Variants in TOP1 observed in about 807,000 individuals in gnomAD.
TOP1 encodes DNA topoisomerase 1.
TOP1 carries 10 observed loss-of-function variants against 111.1 expected under a neutral mutation model. That is an observed-to-expected ratio of 0.09 (90% CI 0.06 to 0.15). The LOEUF (loss-of-function observed/expected upper bound fraction) is 0.15, where lower values mean the gene tolerates loss of function less well. TOP1 is among the 10% of genes least tolerant of loss of function. The pLI is 1.00. For missense variants in TOP1, 474 were observed against 926.7 expected, an observed-to-expected ratio of 0.51 and a Z score of 6.34; for synonymous variants, 271 against 302.9, an observed-to-expected ratio of 0.89 and a Z score of 1.10.
rs565000039 is a variant in TOP1, at chr20:41,118,087, G to A, written c.1823-82G>A. On this transcript the variant is annotated intron_variant, in intron 17 of 20. Transcript: ENST00000361337. This position sits in a 1 kb window ranked among gnomAD's most constrained non-coding sequence, Gnocchi z 4.6. The stretch of plus-strand genomic sequence containing the variant: ...TAAGAGCCAGCAAAATCATGGGGAC[G>A]AGGCACTGGGGGAAGACATACTGTG... 30 of 1,460,302 alleles carry A rather than the reference G, an allele frequency of 2.1e-5. No individual in the cohort carries two copies. The highest frequency in any genetic ancestry group is 2.7e-5 in the Non-Finnish European group (29 of 1,079,034). 90.5% of individuals were successfully genotyped at this position (1,460,302 alleles called of 1,614,324 possible). A position where few individuals can be genotyped will look rare whatever the true frequency, so the allele number is the denominator to read the frequency against.
At chr20:41,037,785 T>A (rs1183495143) in intron 2 of TOP1, among the ~76,000 whole-genome samples, 3 of 152,238 alleles carry the variant, frequency 2.0e-5, no homozygotes, top group Non-Finnish European at 2.9e-5. Flanking sequence ...TCACTAGTGT[T>A]CATTAGGTTT....
chr20:41,122,296 A>G lies in TOP1; in HGVS notation c.2195+141A>G. On this transcript the variant is annotated intron_variant, in intron 20 of 20. Coordinates refer to ENST00000361337, the MANE Select transcript of TOP1 (RefSeq NM_003286.4). The surrounding 1 kb of genome is among the most constrained non-coding windows in gnomAD (Gnocchi z 5.4). ...GGGAAACTTCTGGCTTCAGCTGTGT[A>G]CAAGTTACTCTGGTTGCTGAACCTT... The G allele has an allele frequency of 1.2e-6, 1 of 855,576 alleles. No homozygotes were observed. The highest frequency in any genetic ancestry group is 1.9e-6 in the Non-Finnish European group (1 of 540,426). The allele number at this position is 855,576 out of a possible 1,614,324, so 53.0% of individuals were successfully genotyped here.
chr20:41,116,236 T>TAG lies in TOP1; in HGVS notation c.1708-41_1708-40dup. On this transcript the variant is annotated intron_variant, in intron 16 of 20. Coordinates refer to ENST00000361337, the MANE Select transcript of TOP1 (RefSeq NM_003286.4). This position sits in a 1 kb window ranked among gnomAD's most constrained non-coding sequence, Gnocchi z 5.6. ...TCCTAGGGCTGCCAGAAGGAGCAGG[T>TAG]AGTATAGCTTTGACCTAAATCTGTT... 2 of 1,327,506 alleles carry TAG rather than the reference T, an allele frequency of 1.5e-6. No individual in the cohort carries two copies. The highest frequency in any genetic ancestry group is 2.2e-6 in the Non-Finnish European group (2 of 921,844). The allele number at this position is 1,327,506 out of a possible 1,614,324, so 82.2% of individuals were successfully genotyped here. A position where few individuals can be genotyped will look rare whatever the true frequency, so the allele number is the denominator to read the frequency against.
chr20:41,122,011 T>C lies in TOP1; in HGVS notation c.2051T>C (p.Val684Ala), dbSNP rs748089383. 2.1e-5 allele frequency: 34 copies of C among 1,613,680 alleles called. No individual in the cohort carries two copies. Among genetic ancestry groups the C allele is most frequent in the Non-Finnish European group, 2.7e-5 (32 of 1,180,004 alleles). The change falls in exon 20 of 21, where the codon GTA (valine) becomes GCA (alanine). Residue 684 changes from valine (V) to alanine (A), a missense_variant. By Grantham distance (64) the Val-to-Ala change is moderately conservative (BLOSUM62 0). This residue lies in a region of TOP1 where 36 missense variants were observed against 42.3 expected (regional missense o/e 0.85). Transcript: ENST00000361337. The surrounding 1 kb of genome is among the most constrained non-coding windows in gnomAD (Gnocchi z 5.4). ...VMKDAKTKKV[V>A]ESKKKAVQRL... ...GGACTTTGCTATTCTTCTAGGGTAG[T>C]AGAGTCAAAGAAGAAGGCTGTTCAG...
intron 3 of TOP1, chr20:41,073,176 T>C: frequency 1.0e-6 from 1 of 985,394 alleles, no homozygotes; most frequent in Non-Finnish European, 1.2e-6. Context: ...CAGGGCTACA[T>C]GTACACTTGT....
chr20:41,094,641 T>C lies in TOP1; in HGVS notation c.730+2054T>C, dbSNP rs1480439457. Among the ~76,000 whole-genome samples the C allele has an allele frequency of 6.6e-6, 1 of 152,194 alleles. No individual in the cohort carries two copies. ...GTCCTCTGCTGGGATTTCTTCTCTT[T>C]GATTGTGTGAACTCTTACTCTGCAG... On this transcript the variant is annotated intron_variant, in intron 9 of 20. Transcript: ENST00000361337. The surrounding 1 kb of genome is among the most constrained non-coding windows in gnomAD (Gnocchi z 4.4).
Position 41,061,597 on chromosome 20 carries a change from T to C in TOP1, c.155+107T>C. The stretch of plus-strand genomic sequence containing the variant: ...TGAGCTACATGTAAAGATAGCAAAG[T>C]AAGTAGAAACTGTATTTGATCCTAG... On this transcript the variant is annotated intron_variant, in intron 3 of 20. Transcript: ENST00000361337. This position sits in a 1 kb window ranked among gnomAD's most constrained non-coding sequence, Gnocchi z 4.6. 1 of 956,934 alleles carries C rather than the reference T, an allele frequency of 1.0e-6. No homozygotes were observed. 59.3% of individuals were successfully genotyped at this position (956,934 alleles called of 1,614,324 possible).
In TOP1 at chr20:41,118,337, C is replaced by T; in HGVS notation, c.1950+41C>T. On this transcript the variant is annotated intron_variant, in intron 18 of 20. Transcript: ENST00000361337. The surrounding 1 kb of genome is among the most constrained non-coding windows in gnomAD (Gnocchi z 4.6). ...TGAAGGGAACTGTGTCTGCTGTGGG[C>T]AGATTATCTGCGAATGAGAGGATTC... The T allele has an allele frequency of 1.2e-6, 2 of 1,607,020 alleles. No individual in the cohort carries two copies. The highest frequency in any genetic ancestry group is 1.7e-6 in the Non-Finnish European group (2 of 1,174,844).
rs1218251321 is a variant in TOP1 at position 41,029,048 on chromosome 20, G to T, written c.-20G>T. 2 of 1,546,256 alleles carry T rather than the reference G, an allele frequency of 1.3e-6. No individual in the cohort carries two copies. The highest frequency in any genetic ancestry group is 1.2e-5 in the South Asian group (1 of 84,684). Reference sequence around the variant, plus strand: ...CCCACGCCGCCTCGCCTGCCGCCGCGCTCGTCCCTCCGGGCCGACATGAGT... The same window carrying T: ...CCCACGCCGCCTCGCCTGCCGCCGCTCTCGTCCCTCCGGGCCGACATGAGT... On this transcript the variant is annotated 5_prime_UTR_variant, in exon 1 of 21. Coordinates refer to ENST00000361337, the MANE Select transcript of TOP1 (RefSeq NM_003286.4). This position sits in a 1 kb window ranked among gnomAD's most constrained non-coding sequence, Gnocchi z 6.1.
Position 41,108,703 on chromosome 20 carries a change from G to A in TOP1, c.1309-4079G>A, listed in dbSNP as rs142107921. 8.3e-3 allele frequency among the ~76,000 whole-genome samples: 1,265 copies of A among 152,250 alleles called. 9 individuals carry two copies. Among genetic ancestry groups the A allele is most frequent in the South Asian group, 0.023 (109 of 4,812 alleles). ...CTCTCCCACTCTGTGCCTGGTGCCC[G>A]TAGGATCTGAAATAGCATTGGAATG... On this transcript the variant is annotated intron_variant, in intron 13 of 20. Transcript: ENST00000361337.
rs573529485 is a variant in TOP1 at position 41,121,477 on chromosome 20, A to G, written c.1951-219A>G. On this transcript the variant is annotated intron_variant, in intron 18 of 20. Transcript: ENST00000361337. The surrounding 1 kb of genome is among the most constrained non-coding windows in gnomAD (Gnocchi z 4.2). Reference sequence around the variant, plus strand: ...CTGAGCCCCTAGGTTACTGCCCTGTAAAACCCTTGTTTCTTTCCAGATCAC... The same window carrying G: ...CTGAGCCCCTAGGTTACTGCCCTGTGAAACCCTTGTTTCTTTCCAGATCAC... Among the ~76,000 whole-genome samples, 1 of 152,350 alleles carries G rather than the reference A, an allele frequency of 6.6e-6. No homozygotes were observed. Among genetic ancestry groups the G allele is most frequent in the South Asian group, 2.1e-4 (1 of 4,828 alleles).
At position 41,069,815 on chromosome 20, in the gene TOP1, G is replaced by C. The variant is rs559659557; in HGVS notation, c.156-6356G>C. On this transcript the variant is annotated intron_variant, in intron 3 of 20. Transcript: ENST00000361337. This position sits in a 1 kb window ranked among gnomAD's most constrained non-coding sequence, Gnocchi z 4.1. The stretch of plus-strand genomic sequence containing the variant: ...AGTACGCCATAATCATTGTTTTTAA[G>C]ATTTCATGGTGGAGACAGCATTTGA... Among the ~76,000 whole-genome samples the C allele has an allele frequency of 6.6e-6, 1 of 152,256 alleles. No homozygotes were observed. Among genetic ancestry groups the C allele is most frequent in the Non-Finnish European group, 1.5e-5 (1 of 68,020 alleles).
Position 41,118,323 on chromosome 20 carries a change from GTGTC to G in TOP1, c.1950+30_1950+33del. The G allele has an allele frequency of 6.2e-7, 1 of 1,612,386 alleles. No homozygotes were observed. The highest frequency in any genetic ancestry group is 8.5e-7 in the Non-Finnish European group (1 of 1,178,706). On this transcript the variant is annotated intron_variant, in intron 18 of 20. Coordinates refer to ENST00000361337, the MANE Select transcript of TOP1 (RefSeq NM_003286.4). The surrounding 1 kb of genome is among the most constrained non-coding windows in gnomAD (Gnocchi z 4.6). ...TATCTTGGATAAAATGAAGGGAACTGTGTCTGCTGTGGGCAGATTATCTGCGAAT... is the reference window on the plus strand; with the variant it reads ...TATCTTGGATAAAATGAAGGGAACTGTGCTGTGGGCAGATTATCTGCGAAT...
intron 2 of TOP1, among the ~76,000 whole-genome samples, chr20:41,054,951 AAAAGCTTTTTAAACCCCAG>A (rs1395740801): frequency 6.6e-6 from 1 of 152,198 alleles, no homozygotes; most frequent in Non-Finnish European, 1.5e-5. Context: ...TTCTTTACTT[AAAAGCTTTTTAAACCCCAG>A]GGAATACGTT....
chr20:41,064,316 A>T (rs555987010), intron 3 of TOP1, among the ~76,000 whole-genome samples: 1 of 152,128 alleles, frequency 6.6e-6, no homozygotes, highest in South Asian at 2.1e-4. Flanking sequence ...TTTCTGTACC[A>T]TTACCATGAT....
intron 2 of TOP1, among the ~76,000 whole-genome samples, chr20:41,035,259 C>G (rs909204113): frequency 1.3e-5 from 2 of 152,092 alleles, no homozygotes; most frequent in Admixed American, 1.3e-4. Context: ...TACCTGTCTG[C>G]TAAATTTTTC....
At chr20:41,049,399 C>T (rs1410395943) in intron 2 of TOP1, among the ~76,000 whole-genome samples, 4 of 152,176 alleles carry the variant, frequency 2.6e-5, no homozygotes, top group Non-Finnish European at 5.9e-5. Context: ...GGTATTTCCC[C>T]AAGTTTTGAA....
intron 11 of TOP1, among the ~76,000 whole-genome samples, chr20:41,099,465 A>G (rs2034028426): frequency 6.6e-6 from 1 of 152,192 alleles, no homozygotes; most frequent in African/African-American, 2.4e-5. Context: ...ACAAGGCAGC[A>G]CAACTTAGTT....
Position 41,110,278 on chromosome 20 carries a change from T to C in TOP1, c.1309-2504T>C, listed in dbSNP as rs930086493. ...CCAGCCTGGTGACAGAGCGAGACGC[T>C]GTCTCAGAGGGAAAAAAAAAAGTTA... On this transcript the variant is annotated intron_variant, in intron 13 of 20. Coordinates refer to ENST00000361337, the MANE Select transcript of TOP1 (RefSeq NM_003286.4). The surrounding 1 kb of genome is among the most constrained non-coding windows in gnomAD (Gnocchi z 4.2). 1.3e-5 allele frequency among the ~76,000 whole-genome samples: 2 copies of C among 151,950 alleles called. No homozygotes were observed. The highest frequency in any genetic ancestry group is 1.5e-5 in the Non-Finnish European group (1 of 67,990).
Sources: gnomAD v4.1 joint callset for allele counts (sites outside exome capture counted in the v4.1 genomes callset) on GRCh38, gnomAD v4.1.1 for gene constraint, gnomAD v4.1.1 regional missense constraint, Gnocchi (gnomAD v3.1) non-coding constraint, MANE v1.5 for transcripts, NCBI Gene and HGNC (gene_info 2026-07-23, HGNC 2026-07-21) for gene names.